ZDHHC20: variants seen among roughly 807,000 people sequenced by gnomAD.
ZDHHC20 encodes the protein palmitoyltransferase ZDHHC20.
ZDHHC20 carries 43 observed loss-of-function variants against 57.8 expected under a neutral mutation model. The ratio of observed to expected loss-of-function variants is 0.74; its 90% confidence interval spans 0.58 to 0.96. The LOEUF is 0.96. Ranked by LOEUF, ZDHHC20 falls within the 40% of genes least tolerant of loss-of-function variation. The probability of loss-of-function intolerance (pLI) is 0.00; values close to 1 mark genes in which losing one functional copy is unlikely to be tolerated. For synonymous variants in ZDHHC20, 157 were observed against 153.0 expected (o/e 1.03, Z -0.19); for missense variants, 391 against 441.1 (o/e 0.89, Z 1.02).
intron 1 of ZDHHC20, among the ~76,000 whole-genome samples, chr13:21,447,902 G>T (rs1321404682): frequency 1.0e-5 from 1 of 95,368 alleles, no homozygotes; most frequent in Non-Finnish European, 2.3e-5. Flanking sequence ...GCCGCCCATC[G>T]TCTGAGATGT....
At chr13:21,448,208 C>A (rs1260961750) in intron 1 of ZDHHC20, among the ~76,000 whole-genome samples, 1 of 90,524 alleles carries the variant, frequency 1.1e-5, no homozygotes, top group East Asian at 2.4e-4. Flanking sequence ...GTCAGCCCCC[C>A]GCCCGGCCAG....
At chr13:21,438,546 T>A (rs1882789808) in intron 1 of ZDHHC20, among the ~76,000 whole-genome samples, 3 of 152,050 alleles carry the variant, frequency 2.0e-5, no homozygotes, top group South Asian at 4.1e-4. Context: ...AGACGAGGAG[T>A]TGCTTTGTAT....
At chr13:21,445,347 G>A (rs1295862791) in intron 1 of ZDHHC20, among the ~76,000 whole-genome samples, 1 of 152,018 alleles carries the variant, frequency 6.6e-6, no homozygotes. Context: ...TAACCTATGA[G>A]TCTTTGTTTT....
At chr13:21,414,277 T>TA (rs1165582764) in intron 3 of ZDHHC20, among the ~76,000 whole-genome samples, 1 of 148,256 alleles carries the variant, frequency 6.7e-6, no homozygotes, top group Non-Finnish European at 1.5e-5. Flanking sequence ...AGTTAACCAA[T>TA]AGGACTTAGT....
intron 1 of ZDHHC20, among the ~76,000 whole-genome samples, chr13:21,448,193 G>GA (rs1883991802): frequency 1.9e-5 from 2 of 102,660 alleles, no homozygotes; most frequent in Non-Finnish European, 4.7e-5. Context: ...AGGGAGGTGG[G>GA]GGGGGTCAGC....
intron 1 of ZDHHC20, among the ~76,000 whole-genome samples, chr13:21,431,923 T>C (rs1446218687): frequency 6.6e-6 from 1 of 152,202 alleles, no homozygotes; most frequent in African/African-American, 2.4e-5. Flanking sequence ...TAACAGTGTC[T>C]TTTGAAGAGC....
intron 1 of ZDHHC20, among the ~76,000 whole-genome samples, chr13:21,442,165 T>C (rs1162940787): frequency 6.6e-6 from 1 of 152,238 alleles, no homozygotes; most frequent in African/African-American, 2.4e-5. Flanking sequence ...TGATTTTTCT[T>C]ACTAGATGCA....
intron 4 of ZDHHC20, among the ~76,000 whole-genome samples, chr13:21,412,176 T>G (rs1879308775): frequency 6.6e-6 from 1 of 152,202 alleles, no homozygotes. Context: ...CGTGCAATCC[T>G]TGAATGCAGC....
chr13:21,384,457 CAAAAAAAA>C (rs11358320), intron 9 of ZDHHC20, among the ~76,000 whole-genome samples: 2 of 76,142 alleles, frequency 2.6e-5, no homozygotes, highest in Non-Finnish European at 4.7e-5. Context: ...ACTCTATCTC[CAAAAAAAA>C]AAAAAAAAAA....
Position 21,407,475 on chromosome 13 carries a change from GTTGT to G in ZDHHC20, c.371-4613_371-4610del. 3.3e-5 allele frequency among the ~76,000 whole-genome samples: 5 copies of G among 152,262 alleles called. No homozygotes were observed. In the South Asian group the frequency reaches 1.0e-3, roughly 32 times the overall value. ...TACCCTTCGCCCACATTTTGATGAG[GTTGT>G]TTTTTTCTTGGAAATATAAGTTCCT... On this transcript the variant is annotated intron_variant, in intron 4 of 12. Transcript: ENST00000400590.
chr13:21,382,033 G>A, intron 10 of ZDHHC20: 1 of 450,116 alleles, frequency 2.2e-6, no homozygotes, highest in Non-Finnish European at 4.5e-6. Context: ...AGGAAGGAAA[G>A]GAAGAGGAAA....
intron 3 of ZDHHC20, among the ~76,000 whole-genome samples, chr13:21,415,453 A>G (rs1176784133): frequency 6.6e-6 from 1 of 152,162 alleles, no homozygotes; most frequent in Admixed American, 6.5e-5. Flanking sequence ...GGGGGACAAG[A>G]AGCAACATGG....
At chr13:21,383,814 A>T (rs1490816777) in intron 9 of ZDHHC20, among the ~76,000 whole-genome samples, 1 of 152,164 alleles carries the variant, frequency 6.6e-6, no homozygotes, top group Non-Finnish European at 1.5e-5. Context: ...AACAAAAGAG[A>T]AGAAAATTTC....
intron 1 of ZDHHC20, 101 bp downstream of exon 1, chr13:21,458,953 G>A: frequency 1.1e-6 from 1 of 870,320 alleles, no homozygotes. Context: ...CCCGGCGTCC[G>A]GCGCTGGCTC....
chr13:21,405,564 A>G (rs1295169480), intron 4 of ZDHHC20, among the ~76,000 whole-genome samples: 4 of 152,142 alleles, frequency 2.6e-5, no homozygotes, highest in Non-Finnish European at 5.9e-5. Context: ...TTACCATATG[A>G]GTTCTCAGGG....
intron 1 of ZDHHC20, among the ~76,000 whole-genome samples, chr13:21,450,413 C>G (rs1884331994): frequency 6.6e-6 from 1 of 152,134 alleles, no homozygotes; most frequent in South Asian, 2.1e-4. Context: ...AGCAGGGAAG[C>G]CCCAGAGAAG....
At position 21,372,887 on chromosome 13, in the gene ZDHHC20, T is replaced by C. The variant is rs777316728; in HGVS notation, c.*3809A>G. 6.6e-6 allele frequency: 1 copy of C among 152,230 alleles called. No homozygotes were observed. Among genetic ancestry groups the C allele is most frequent in the African/African-American group, 2.4e-5 (1 of 41,470 alleles). The allele number at this position is 152,230 out of a possible 1,614,324, so 9.4% of individuals were successfully genotyped here. Reference sequence around the variant, plus strand: ...ACTCATTTGCAGTCATGTACAAATATACCTAATAGCTTTCTTCATCTTTTA... The same window carrying C: ...ACTCATTTGCAGTCATGTACAAATACACCTAATAGCTTTCTTCATCTTTTA... On this transcript the variant is annotated 3_prime_UTR_variant, in exon 13 of 13. Transcript: ENST00000400590.
chr13:21,424,710 C>CAAAA (rs10709528), intron 2 of ZDHHC20, among the ~76,000 whole-genome samples: 1 of 125,056 alleles, frequency 8.0e-6, no homozygotes, highest in Non-Finnish European at 1.7e-5. Flanking sequence ...GACTCTGTCT[C>CAAAA]AAAAAAAAAA....
intron 4 of ZDHHC20, among the ~76,000 whole-genome samples, chr13:21,404,837 A>C (rs1313696605): frequency 2.0e-5 from 3 of 152,164 alleles, no homozygotes; most frequent in Non-Finnish European, 4.4e-5. Context: ...TTATAACTAT[A>C]TACCCTATCC....
Sources: allele counts gnomAD v4.1 joint callset (sites outside exome capture counted in the v4.1 genomes callset), GRCh38; gene constraint gnomAD v4.1.1; transcripts MANE v1.5; gene names NCBI Gene and HGNC (gene_info 2026-07-23, HGNC 2026-07-21).